DOP1B: variants seen among roughly 807,000 people sequenced by gnomAD.
The protein encoded by DOP1B is protein DOP1B.
In DOP1B, 174 loss-of-function variants were observed where a neutral mutation model predicts 233.5. The observed-to-expected ratio is 0.75, with a 90% CI of 0.66 to 0.85. The LOEUF (loss-of-function observed/expected upper bound fraction) is 0.85, where lower values mean the gene tolerates loss of function less well. Ranked by LOEUF, DOP1B falls within the 40% of genes least tolerant of loss-of-function variation. The pLI is 0.00. For missense variants in DOP1B, 2,652 were observed against 2,846.6 expected, an observed-to-expected ratio of 0.93 and a Z score of 1.56; for synonymous variants, 1,190 against 1,185.6, an observed-to-expected ratio of 1.00 and a Z score of -0.08.
chr21:36,167,929 C>CTTT lies in DOP1B; in HGVS notation c.138+3060_138+3062dup, dbSNP rs1568996068. 4.2e-4 allele frequency among the ~76,000 whole-genome samples: 41 copies of CTTT among 97,310 alleles called. 2 individuals are homozygous for CTTT. The highest frequency in any genetic ancestry group is 1.0e-3 in the African/African-American group (26 of 26,006). 63.8% of individuals were successfully genotyped at this position (97,310 alleles called of 152,430 possible). A position where few individuals can be genotyped will look rare whatever the true frequency, so the allele number is the denominator to read the frequency against. ...GGTAAGTCACATTTTCTTTTCTTTT[C>CTTT]TTTTCTTTTTCTTTTTTTTTTTTTT... On this transcript the variant is annotated intron_variant, in intron 2 of 36. Coordinates refer to ENST00000691173, the MANE Select transcript of DOP1B (RefSeq NM_001320714.2).
chr21:36,232,753 A>T, intron 14 of DOP1B, 51 bp from the exon 15 acceptor site: 2 of 1,606,728 alleles, frequency 1.2e-6, no homozygotes, highest in East Asian at 4.5e-5. Context: ...CTGGGGACCC[A>T]TTCTCACGTG....
At chr21:36,251,075 C>G in intron 21 of DOP1B, 87 bp from the exon 22 acceptor site, 1 of 1,488,658 alleles carries the variant, frequency 6.7e-7, no homozygotes, top group Non-Finnish European at 9.0e-7. Context: ...TCCTTGCTCT[C>G]GGTATGGACA....
At chr21:36,268,076 C>T (rs574267442) in intron 26 of DOP1B, among the ~76,000 whole-genome samples, 13 of 152,246 alleles carry the variant, frequency 8.5e-5, no homozygotes, top group African/African-American at 2.9e-4. Context: ...CGTTGGAGAG[C>T]AGAGAACCGG....
intron 18 of DOP1B, among the ~76,000 whole-genome samples, chr21:36,242,605 G>A (rs894844634): frequency 2.6e-5 from 4 of 152,072 alleles, no homozygotes; most frequent in African/African-American, 7.2e-5. Flanking sequence ...GAGCTACTAC[G>A]CCTGGCCTTC....
chr21:36,229,613 G>A (rs1263269263), intron 13 of DOP1B, among the ~76,000 whole-genome samples: 2 of 151,748 alleles, frequency 1.3e-5, no homozygotes, highest in Non-Finnish European at 2.9e-5. Context: ...CTATTTTTGG[G>A]GGACACCGTT....
chr21:36,275,305 T>C (rs142324590), intron 27 of DOP1B, among the ~76,000 whole-genome samples: 54 of 152,312 alleles, frequency 3.5e-4, no homozygotes, highest in African/African-American at 1.2e-3. Flanking sequence ...TATTGTTATT[T>C]GATAGGAGTC....
intron 4 of DOP1B, 143 bp downstream of exon 4, chr21:36,200,644 C>T (rs957516747): frequency 3.8e-6 from 4 of 1,041,794 alleles, no homozygotes; most frequent in Non-Finnish European, 3.9e-6. Context: ...GAGATGGAGA[C>T]CATCCTGGCT....
At position 36,219,395 on chromosome 21, in the gene DOP1B, T is replaced by C. The variant is rs764104216; in HGVS notation, c.1153T>C (p.Phe385Leu). Residue 385 changes from phenylalanine to leucine, a missense_variant, in exon 10 of 37, where the codon TTT (phenylalanine) becomes CTT (leucine). Physicochemically the swap from Phe to Leu is conservative, Grantham distance 22. This residue lies in a region of DOP1B where 2,617 missense variants were observed against 2,794.3 expected (regional missense o/e 0.94). Transcript: ENST00000691173. ...EIGPQVVGNLFLEVIRAFYSY... is the reference protein window; with the variant it reads ...EIGPQVVGNLLLEVIRAFYSY... The stretch of plus-strand genomic sequence containing the variant: ...AGGGCCTCAAGTGGTTGGGAATTTG[T>C]TTCTCGAAGTCATCAGGGCCTTTTA... The C allele has an allele frequency of 1.2e-6, 2 of 1,614,200 alleles. No individual in the cohort carries two copies. The highest frequency in any genetic ancestry group is 3.3e-5 in the Admixed American group (2 of 60,008).
intron 24 of DOP1B, chr21:36,261,967 A>G: frequency 1.0e-6 from 1 of 984,892 alleles, no homozygotes; most frequent in Non-Finnish European, 1.2e-6. Context: ...GGGAAGCCTC[A>G]CTATGCCTAC....
At chr21:36,288,404 A>G (rs2067513607) in intron 33 of DOP1B, among the ~76,000 whole-genome samples, 2 of 152,138 alleles carry the variant, frequency 1.3e-5, no homozygotes, top group African/African-American at 4.8e-5. Flanking sequence ...ATATACATAT[A>G]AATTTGGGCT....
intron 31 of DOP1B, 107 bp from the exon 32 acceptor site, chr21:36,281,376 C>A: frequency 8.2e-7 from 1 of 1,214,458 alleles, no homozygotes; most frequent in Non-Finnish European, 1.1e-6. Flanking sequence ...TAATAAAGAT[C>A]ATGATTTTTC....
At chr21:36,205,776 C>T (rs1331829501) in intron 4 of DOP1B, among the ~76,000 whole-genome samples, 9 of 151,270 alleles carry the variant, frequency 5.9e-5, no homozygotes, top group Admixed American at 6.6e-5. Context: ...GAGGCCGAGG[C>T]GGGGGGTTAC....
intron 23 of DOP1B, among the ~76,000 whole-genome samples, chr21:36,255,603 T>A (rs747599333): frequency 4.6e-5 from 7 of 151,944 alleles, no homozygotes; most frequent in Non-Finnish European, 1.0e-4. Context: ...TGGCTAATTT[T>A]TATATTTTTT....
intron 10 of DOP1B, among the ~76,000 whole-genome samples, chr21:36,221,269 G>T (rs966753445): frequency 1.3e-5 from 2 of 152,032 alleles, no homozygotes; most frequent in Admixed American, 6.5e-5. Flanking sequence ...AAGGCAGGCG[G>T]ATCACTTGAG....
chr21:36,176,122 G>GT (rs55642925), intron 2 of DOP1B, among the ~76,000 whole-genome samples: 3 of 150,778 alleles, frequency 2.0e-5, no homozygotes, highest in Non-Finnish European at 3.0e-5. Context: ...GTGTGTGTGT[G>GT]GTGATACAGT....
At chr21:36,184,781 C>CG in intron 2 of DOP1B, among the ~76,000 whole-genome samples, 1 of 152,286 alleles carries the variant, frequency 6.6e-6, no homozygotes, top group South Asian at 2.1e-4. Flanking sequence ...CTGCGGGCTG[C>CG]GGGGAACAGG....
chr21:36,272,524 T>G (rs762427281), intron 27 of DOP1B, among the ~76,000 whole-genome samples: 2 of 151,356 alleles, frequency 1.3e-5, no homozygotes, highest in Non-Finnish European at 2.9e-5. Context: ...GTGGCGGGCA[T>G]CTGTAGTCCC....
chr21:36,219,427 C>G lies in DOP1B; in HGVS notation c.1185C>G (p.Tyr395Ter). 2.5e-6 allele frequency: 4 copies of G among 1,614,178 alleles called. No homozygotes were observed. Among genetic ancestry groups the G allele is most frequent in the Non-Finnish European group, 3.4e-6 (4 of 1,180,038 alleles). The change falls in exon 10 of 37, where the codon TAC (tyrosine) becomes TAG (stop). Residue 395 changes from tyrosine (Y) to a stop codon, truncating the protein, a stop_gained. Transcript: ENST00000691173. LOFTEE classifies it high-confidence loss of function. ...AAGTCATCAGGGCCTTTTATTCTTACTGCAGAGATGCCCTTGGCTCTGATC... is the reference window on the plus strand; with the variant it reads ...AAGTCATCAGGGCCTTTTATTCTTAGTGCAGAGATGCCCTTGGCTCTGATC... ...FLEVIRAFYS[Y>*]CRDALGSDLK...
chr21:36,272,906 C>A (rs2067305021), intron 27 of DOP1B, among the ~76,000 whole-genome samples: 1 of 144,170 alleles, frequency 6.9e-6, no homozygotes, highest in African/African-American at 2.6e-5. Flanking sequence ...ATGGCTTGAA[C>A]CTGGGAGGCG....
Sources: gnomAD v4.1 joint callset for allele counts (sites outside exome capture counted in the v4.1 genomes callset) on GRCh38, gnomAD v4.1.1 for gene constraint, gnomAD v4.1.1 regional missense constraint, MANE v1.5 for transcripts, NCBI Gene and HGNC (gene_info 2026-07-23, HGNC 2026-07-21) for gene names.